HECTD4: variants seen among roughly 807,000 people sequenced by gnomAD.
HECTD4 encodes HECT domain E3 ubiquitin protein ligase 4.
In HECTD4, 114 loss-of-function variants were observed where a neutral mutation model predicts 471.5. The observed-to-expected ratio is 0.24, with a 90% CI of 0.21 to 0.28. The LOEUF is 0.28. HECTD4 is among the 10% of genes least tolerant of loss of function. The pLI is 1.00. For missense variants in HECTD4, 3,866 were observed against 5,651.5 expected (o/e 0.68, Z 10.13); for synonymous variants, 2,012 against 2,256.0 (o/e 0.89, Z 3.07).
At chr12:112,252,583 C>CA (rs769043655) in intron 22 of HECTD4, 55 bp from the exon 23 acceptor site, 168 of 1,568,242 alleles carry the variant, frequency 1.1e-4, no homozygotes, top group Non-Finnish European at 1.4e-4. Flanking sequence ...TACACAATTT[C>CA]AAAAGAGCAA....
chr12:112,375,565 G>A (rs964767832), intron 1 of HECTD4, among the ~76,000 whole-genome samples: 3 of 152,188 alleles, frequency 2.0e-5, no homozygotes, highest in African/African-American at 7.2e-5. Flanking sequence ...CCCAACCGCA[G>A]TTTGTAAAGA....
At chr12:112,283,709 C>T (rs1342370953) in intron 7 of HECTD4, among the ~76,000 whole-genome samples, 1 of 152,160 alleles carries the variant, frequency 6.6e-6, no homozygotes, top group Non-Finnish European at 1.5e-5. Context: ...GGCTAAAATC[C>T]AAACTCTTTA....
chr12:112,298,902 A>G (rs2035102344), intron 7 of HECTD4, among the ~76,000 whole-genome samples: 1 of 151,372 alleles, frequency 6.6e-6, no homozygotes, highest in African/African-American at 2.4e-5. Context: ...AAAAAACACA[A>G]AGTGCTGGGG....
At chr12:112,277,477 C>CA (rs1264325246) in intron 9 of HECTD4, among the ~76,000 whole-genome samples, 2 of 152,192 alleles carry the variant, frequency 1.3e-5, no homozygotes, top group Admixed American at 1.3e-4. Flanking sequence ...GGTCTGGTGT[C>CA]AAGAGACTTG....
intron 21 of HECTD4, among the ~76,000 whole-genome samples, chr12:112,254,919 T>C (rs1307996581): frequency 2.0e-5 from 3 of 152,226 alleles, no homozygotes; most frequent in African/African-American, 7.2e-5. Context: ...AAACCCTGTC[T>C]TCTAATGTGC....
At chr12:112,321,167 T>G (rs544628349) in intron 1 of HECTD4, among the ~76,000 whole-genome samples, 11 of 152,316 alleles carry the variant, frequency 7.2e-5, no homozygotes, top group African/African-American at 2.4e-4. Context: ...TTAATAGTGT[T>G]AACCCATTAT....
intron 1 of HECTD4, among the ~76,000 whole-genome samples, chr12:112,340,868 T>C (rs1030914279): frequency 6.6e-5 from 10 of 152,326 alleles, no homozygotes; most frequent in African/African-American, 2.4e-4. Flanking sequence ...AGGATGCTGA[T>C]AGACTGCATG....
In HECTD4 at chr12:112,204,657, A is replaced by G. The variant is rs375873230; in HGVS notation, c.8132-34T>C. On this transcript the variant is annotated intron_variant, in intron 52 of 75. Coordinates refer to ENST00000682272, the MANE Select transcript of HECTD4 (RefSeq NM_001388303.1). ...TATAACAGCACAGGGTAACTCCCCA[A>G]AGAGTACACACAGATCAACCATGAC... The G allele has an allele frequency of 3.2e-6, 5 of 1,566,746 alleles. No homozygotes were observed. In the South Asian group the frequency reaches 5.7e-5, roughly 18 times the overall value.
In HECTD4 at chr12:112,265,895, A is replaced by G. The variant is rs746017347; in HGVS notation, c.2481T>C (p.Asp827=). The change falls in exon 15 of 76, where the codon GAT becomes GAC. Residue 827 remains aspartate (D), a synonymous_variant. Coordinates refer to ENST00000682272, the MANE Select transcript of HECTD4 (RefSeq NM_001388303.1). ...EQLQNNRFGS[D]EDDHYRLNDE... The stretch of plus-strand genomic sequence containing the variant: ...GGTGTCACCTGTAATGATCATCCTC[A>G]TCACTGCCAAATCGGTTGTTTTGGA... 26 of 1,613,408 alleles carry G rather than the reference A, an allele frequency of 1.6e-5. No individual in the cohort carries two copies. Among genetic ancestry groups the G allele is most frequent in the Non-Finnish European group, 2.2e-5 (26 of 1,179,480 alleles).
At chr12:112,324,026 C>CTTTCT (rs1287192943) in intron 1 of HECTD4, among the ~76,000 whole-genome samples, 1 of 46,870 alleles carries the variant, frequency 2.1e-5, no homozygotes, top group Non-Finnish European at 3.2e-5. Context: ...TCCTTCCTTC[C>CTTTCT]TTCCTTCCTT....
intron 54 of HECTD4, 66 bp downstream of exon 54, chr12:112,203,570 G>C (rs2032491122): frequency 7.5e-7 from 1 of 1,329,550 alleles, no homozygotes; most frequent in Non-Finnish European, 1.0e-6. Flanking sequence ...AGGTACCTGG[G>C]AATCTGGGTA....
chr12:112,210,308 G>C (rs1297490204), intron 49 of HECTD4, 56 bp from the exon 50 acceptor site: 1 of 1,565,472 alleles, frequency 6.4e-7, no homozygotes, highest in Admixed American at 1.7e-5. Context: ...TTTTATTTCT[G>C]CAAGAGCCCA....
At chr12:112,189,362 C>T (rs1037988098) in intron 60 of HECTD4, among the ~76,000 whole-genome samples, 1 of 151,804 alleles carries the variant, frequency 6.6e-6, no homozygotes, top group South Asian at 2.1e-4. Flanking sequence ...ACTATCCTGG[C>T]TAACATGGTG....
intron 47 of HECTD4, 66 bp downstream of exon 47, chr12:112,216,707 A>AAC (rs1376459294): frequency 6.5e-7 from 1 of 1,536,764 alleles, no homozygotes; most frequent in East Asian, 2.3e-5. Context: ...TGACTTCCTG[A>AAC]ACACCTATAC....
intron 7 of HECTD4, among the ~76,000 whole-genome samples, chr12:112,291,831 C>A (rs1242031532): frequency 6.6e-6 from 1 of 152,074 alleles, no homozygotes; most frequent in Non-Finnish European, 1.5e-5. Flanking sequence ...AAGATTGCGC[C>A]ACTGCACTCC....
At chr12:112,296,690 T>C (rs1290744827) in intron 7 of HECTD4, among the ~76,000 whole-genome samples, 1 of 145,144 alleles carries the variant, frequency 6.9e-6, no homozygotes, top group African/African-American at 2.6e-5. Context: ...AAGTGGTAAC[T>C]ACAGAGGGTG....
At chr12:112,198,605 C>T (rs1002425118) in intron 55 of HECTD4, among the ~76,000 whole-genome samples, 2 of 152,142 alleles carry the variant, frequency 1.3e-5, no homozygotes, top group Non-Finnish European at 2.9e-5. Context: ...ATGGCACTTG[C>T]TGATAGCTCT....
At chr12:112,334,215 AT>A (rs2035896466) in intron 1 of HECTD4, among the ~76,000 whole-genome samples, 2 of 145,168 alleles carry the variant, frequency 1.4e-5, no homozygotes, top group Non-Finnish European at 3.1e-5. Context: ...TCTTAAATAA[AT>A]AAATAAATAA....
rs1361309299 is a variant in HECTD4, at chr12:112,258,615, A to C, written c.3028-19T>G. The C allele has an allele frequency of 1.3e-6, 2 of 1,580,190 alleles. No homozygotes were observed. Among genetic ancestry groups the C allele is most frequent in the Non-Finnish European group, 1.7e-6 (2 of 1,165,702 alleles). On this transcript the variant is annotated intron_variant, in intron 19 of 75. Transcript: ENST00000682272. ...ACGCCGTCTGAAACACAAAACCATCATTATGTCTTCCAGGGCTACTGTCAG... is the reference window on the plus strand; with the variant it reads ...ACGCCGTCTGAAACACAAAACCATCCTTATGTCTTCCAGGGCTACTGTCAG...
Sources: gnomAD v4.1 joint callset for allele counts (sites outside exome capture counted in the v4.1 genomes callset) on GRCh38, gnomAD v4.1.1 for gene constraint, MANE v1.5 for transcripts, NCBI Gene and HGNC (gene_info 2026-07-23, HGNC 2026-07-21) for gene names.